FCRL3: variants seen among roughly 807,000 people sequenced by gnomAD.
FCRL3 encodes Fc receptor like 3.
Under a neutral mutation model 75.0 loss-of-function variants are expected in FCRL3, and 89 were observed. That is an observed-to-expected ratio of 1.19 (90% confidence interval 1.00 to 1.42). The LOEUF is 1.42. Among genes scored for constraint, FCRL3 ranks in the 40% most tolerant of loss-of-function variants. FCRL3 has a pLI of 0.00. For missense variants in FCRL3, 946 were observed against 880.0 expected, an observed-to-expected ratio of 1.07 and a Z score of -0.95; for synonymous variants, 376 against 348.5, an observed-to-expected ratio of 1.08 and a Z score of -0.88.
chr1:157,690,377 T>A lies in FCRL3; in HGVS notation c.1568A>T (p.His523Leu), dbSNP rs1223411867. 1 of 1,614,070 alleles carries A rather than the reference T, an allele frequency of 6.2e-7. No homozygotes were observed. The highest frequency in any genetic ancestry group is 2.2e-5 in the East Asian group (1 of 44,870). ...GTTGAAGGATGCCCCTCCTCCAGAG[T>A]GGGCCGAGATGTTCCCCAAGGTGTC... is the stretch of plus-strand genomic sequence containing the variant. ...EDDTLGNISA[H>L]SGGGASFNLS... Residue 523 changes from histidine (H) to leucine (L), a missense_variant, in exon 9 of 15, where the codon CAC becomes CTC. Coordinates refer to ENST00000368184, the MANE Select transcript of FCRL3 (RefSeq NM_052939.4).
intron 2 of FCRL3, 137 bp from the exon 3 acceptor site, chr1:157,699,849 G>A: frequency 1.1e-6 from 1 of 907,828 alleles, no homozygotes; most frequent in Non-Finnish European, 1.7e-6. Context: ...AAACAACAAA[G>A]AAAATGTCAT....
At chr1:157,698,241 C>G (rs553122657) in intron 4 of FCRL3, 143 bp downstream of exon 4, 1 of 1,021,226 alleles carries the variant, frequency 9.8e-7, no homozygotes, top group African/African-American at 1.6e-5. Context: ...ATGCTGCTGC[C>G]CTATCTCTTT....
At position 157,697,239 on chromosome 1, in the gene FCRL3, C is replaced by G. The variant is rs1655975791; in HGVS notation, c.745G>C (p.Ala249Pro). 2 of 1,607,076 alleles carry G rather than the reference C, an allele frequency of 1.2e-6. No individual in the cohort carries two copies. The highest frequency in any genetic ancestry group is 2.7e-5 in the African/African-American group (2 of 74,708). ...WSRSPRLQIP[A>P]MWTEDSGSYW... is the part of the protein sequence containing the mutation. ...GACCCTGAGTCTTCAGTCCACATGG[C>G]AGGGATCTGGAGTCTGGGGGACCTG... The change falls in exon 6 of 15, where the codon GCC (alanine) becomes CCC (proline). Residue 249 changes from alanine to proline, a missense_variant. Transcript: ENST00000368184.
At chr1:157,684,715 A>G (rs979163646) in intron 10 of FCRL3, among the ~76,000 whole-genome samples, 1 of 152,214 alleles carries the variant, frequency 6.6e-6, no homozygotes, top group Admixed American at 6.5e-5. Flanking sequence ...ATAGATGAAG[A>G]AACTGAGTTT....
At chr1:157,679,278 A>C (rs1571185155) in intron 13 of FCRL3, 1 of 442,272 alleles carries the variant, frequency 2.3e-6, no homozygotes. Flanking sequence ...TATTTTCATG[A>C]CAATTTCCTT....
In FCRL3 at chr1:157,676,940, A is replaced by G; in HGVS notation, c.*1770T>C. ...ACCCAAAACCGGTTTACATATTTTC[A>G]CCATAGAGAAAAAAACAGCAGAATG... On this transcript the variant is annotated 3_prime_UTR_variant, in exon 15 of 15. Transcript: ENST00000368184. 7.1e-7 allele frequency: 1 copy of G among 1,412,776 alleles called. No individual in the cohort carries two copies. Among genetic ancestry groups the G allele is most frequent in the Non-Finnish European group, 9.2e-7 (1 of 1,084,866 alleles). The allele number at this position is 1,412,776 out of a possible 1,614,324, so 87.5% of individuals were successfully genotyped here.
chr1:157,679,014 G>C (rs752821424), intron 13 of FCRL3, 41 bp from the exon 14 acceptor site: 1 of 1,609,460 alleles, frequency 6.2e-7, no homozygotes. Context: ...TAAACTGTGG[G>C]CAATATATTC....
At position 157,695,412 on chromosome 1, in the gene FCRL3, G is replaced by A. The variant is rs746248621; in HGVS notation, c.1328C>T (p.Ala443Val). Residue 443 changes from alanine (A) to valine (V), a missense_variant, in exon 8 of 15, where the codon GCA becomes GTA. Ala to Val is a moderately conservative substitution (Grantham distance 64). Coordinates refer to ENST00000368184, the MANE Select transcript of FCRL3 (RefSeq NM_052939.4). Reference protein sequence around the residue: ...GGASFNLSLTAEHSGNYSCDA... With the variant: ...GGASFNLSLTVEHSGNYSCDA... The stretch of plus-strand genomic sequence containing the variant: ...ACAGGAGTAGTTTCCAGAATGTTCT[G>A]CAGTCAGAGAGAGGTTGAAGGAGGC... The A allele has an allele frequency of 8.1e-6, 13 of 1,614,086 alleles. No individual in the cohort carries two copies. The highest frequency in any genetic ancestry group is 1.0e-5 in the Non-Finnish European group (12 of 1,180,024).
Position 157,697,707 on chromosome 1 carries a change from T to G in FCRL3, c.511A>C (p.Ile171Leu). Residue 171 changes from isoleucine (I) to leucine (L), a missense_variant, in exon 5 of 15, where the codon ATA (isoleucine) becomes CTA (leucine). Ile to Leu is a conservative substitution (Grantham distance 5). Transcript: ENST00000368184. ...TTTGAAGTTACTTCAATGTCAAGTA[T>G]GTAAAACTTCCTATAAGCAGTACAA... ...YHCTAYRKFY[I>L]LDIEVTSKPL... 6.2e-7 allele frequency: 1 copy of G among 1,613,948 alleles called. No homozygotes were observed. Among genetic ancestry groups the G allele is most frequent in the African/African-American group, 1.3e-5 (1 of 75,056 alleles).
intron 11 of FCRL3, among the ~76,000 whole-genome samples, chr1:157,682,152 CA>C (rs1654894044): frequency 1.3e-5 from 2 of 152,124 alleles, no homozygotes; most frequent in African/African-American, 4.8e-5. Flanking sequence ...AGCCGTTTGT[CA>C]GATGAGTAGG....
At position 157,681,118 on chromosome 1, in the gene FCRL3, G is replaced by C; in HGVS notation, c.1839-19C>G. 6.7e-7 allele frequency: 1 copy of C among 1,485,644 alleles called. No individual in the cohort carries two copies. Among genetic ancestry groups the C allele is most frequent in the Non-Finnish European group, 9.0e-7 (1 of 1,112,854 alleles). The allele number at this position is 1,485,644 out of a possible 1,614,324, so 92.0% of individuals were successfully genotyped here. ...ACTGTGACTGTGACAGAGGGGGAGAGAATGGATTAAAAAGTATCTGTGGGT... is the reference window on the plus strand; with the variant it reads ...ACTGTGACTGTGACAGAGGGGGAGACAATGGATTAAAAAGTATCTGTGGGT... On this transcript the variant is annotated intron_variant, in intron 11 of 14. Coordinates refer to ENST00000368184, the MANE Select transcript of FCRL3 (RefSeq NM_052939.4).
At chr1:157,683,359 A>T (rs1654970061) in intron 10 of FCRL3, 115 bp from the exon 11 acceptor site, 1 of 1,294,092 alleles carries the variant, frequency 7.7e-7, no homozygotes, top group Non-Finnish European at 1.1e-6. Flanking sequence ...CTACGGAAAA[A>T]CTCAAGGATT....
At chr1:157,688,139 G>A (rs929674641) in intron 10 of FCRL3, among the ~76,000 whole-genome samples, 2 of 151,898 alleles carry the variant, frequency 1.3e-5, no homozygotes, top group Non-Finnish European at 2.9e-5. Context: ...TCATTTTAAA[G>A]GCAGACTACA....
chr1:157,696,817 A>C (rs1655938589), intron 6 of FCRL3: 1 of 241,560 alleles, frequency 4.1e-6, no homozygotes, highest in African/African-American at 2.3e-5. Flanking sequence ...ACCAAATGGA[A>C]GCACCACAGG....
intron 11 of FCRL3, among the ~76,000 whole-genome samples, chr1:157,681,948 G>T (rs1654876901): frequency 2.0e-5 from 3 of 151,858 alleles, no homozygotes. Context: ...ACTGGTGTGA[G>T]ATGGTATCTC....
chr1:157,696,999 C>A (rs963503776), intron 6 of FCRL3, 141 bp downstream of exon 6: 7 of 815,578 alleles, frequency 8.6e-6, no homozygotes, highest in Non-Finnish European at 1.2e-5. Context: ...GTTAGACCAA[C>A]GTTGAGCTTA....
rs373477619 is a variant in FCRL3 at position 157,697,278 on chromosome 1, C to T, written c.706G>A (p.Gly236Arg). The T allele has an allele frequency of 7.6e-5, 123 of 1,612,180 alleles. No individual in the cohort carries two copies. Among genetic ancestry groups the T allele is most frequent in the African/African-American group, 9.4e-5 (7 of 74,854 alleles). The change falls in exon 6 of 15, where the codon GGA becomes AGA. Residue 236 changes from glycine (G) to arginine (R), a missense_variant. Transcript: ENST00000368184. The stretch of plus-strand genomic sequence containing the variant: ...CTGGGGGACCTGCTCCAGCCCAATC[C>T]GAGGGTCTGGCTATCTCTGAAGAGG... Reference protein sequence around the residue: ...FSLFRDSQTLGLGWSRSPRLQ... With the variant: ...FSLFRDSQTLRLGWSRSPRLQ...
At chr1:157,679,905 A>C (rs904635972) in intron 13 of FCRL3, among the ~76,000 whole-genome samples, 1 of 150,706 alleles carries the variant, frequency 6.6e-6, no homozygotes, top group Non-Finnish European at 1.5e-5. Flanking sequence ...ATAATTTTGA[A>C]GGGGAGAAAT....
In FCRL3 at chr1:157,678,823, T is replaced by C. The variant is rs878895752; in HGVS notation, c.2092A>G (p.Thr698Ala). 1 of 1,614,034 alleles carries C rather than the reference T, an allele frequency of 6.2e-7. No individual in the cohort carries two copies. Among genetic ancestry groups the C allele is most frequent in the South Asian group, 1.1e-5 (1 of 91,076 alleles). The change falls in exon 15 of 15, where the codon ACA (threonine) becomes GCA (alanine). Residue 698 changes from threonine to alanine, a missense_variant. Coordinates refer to ENST00000368184, the MANE Select transcript of FCRL3 (RefSeq NM_052939.4). ...LTVLYSELKK[T>A]HPDDSAGEAS... ...TCCCCTGCAGAGTCGTCTGGGTGTG[T>C]CTTCTTCAGTTCTGAATAGAGGACT...
Sources: gnomAD v4.1 joint callset for allele counts (sites outside exome capture counted in the v4.1 genomes callset) on GRCh38, gnomAD v4.1.1 for gene constraint, MANE v1.5 for transcripts, NCBI Gene and HGNC (gene_info 2026-07-23, HGNC 2026-07-21) for gene names.